PIK3C3: variants seen among roughly 807,000 people sequenced by gnomAD.
PIK3C3 encodes PI3-kinase type 3.
Under a neutral mutation model 126.1 loss-of-function variants are expected in PIK3C3, and 95 were observed. That is an observed-to-expected ratio of 0.75 (90% confidence interval 0.64 to 0.89). The LOEUF (loss-of-function observed/expected upper bound fraction) is 0.89, where lower values mean the gene tolerates loss of function less well. Ranked by LOEUF, PIK3C3 falls within the 40% of genes least tolerant of loss-of-function variation. The pLI is 0.00. For synonymous variants in PIK3C3, 374 were observed against 360.0 expected (o/e 1.04, Z -0.44); for missense variants, 829 against 1,063.2 (o/e 0.78, Z 3.06).
At chr18:42,011,944 A>G (rs1982844477) in intron 10 of PIK3C3, among the ~76,000 whole-genome samples, 1 of 152,230 alleles carries the variant, frequency 6.6e-6, no homozygotes, top group Non-Finnish European at 1.5e-5. Flanking sequence ...CACATTCAAC[A>G]TTAATTGATT....
chr18:42,061,874 A>G (rs1223130348), intron 22 of PIK3C3, among the ~76,000 whole-genome samples: 1 of 152,156 alleles, frequency 6.6e-6, no homozygotes, highest in Non-Finnish European at 1.5e-5. Context: ...TACTTTTGTT[A>G]AAAGGAACAT....
chr18:42,002,291 G>A (rs932244745), intron 9 of PIK3C3, among the ~76,000 whole-genome samples: 5 of 152,168 alleles, frequency 3.3e-5, no homozygotes, highest in Non-Finnish European at 5.9e-5. Context: ...AGCATGGAAG[G>A]GCAATGAGAG....
At chr18:42,022,128 C>T (rs1983351952) in intron 13 of PIK3C3, among the ~76,000 whole-genome samples, 1 of 152,136 alleles carries the variant, frequency 6.6e-6, no homozygotes, top group Admixed American at 6.6e-5. Flanking sequence ...TAAATTGGAG[C>T]ACTCTTTTTC....
intron 24 of PIK3C3, among the ~76,000 whole-genome samples, chr18:42,071,324 A>G (rs1241748056): frequency 6.6e-6 from 1 of 152,220 alleles, no homozygotes; most frequent in Non-Finnish European, 1.5e-5. Context: ...AATGTATTTC[A>G]TACAATGCTT....
chr18:41,968,964 C>T (rs1349534880), intron 3 of PIK3C3, among the ~76,000 whole-genome samples: 2 of 151,742 alleles, frequency 1.3e-5, no homozygotes, highest in Non-Finnish European at 2.9e-5. Context: ...GCATATGCCA[C>T]TGTACCCACC....
intron 21 of PIK3C3, among the ~76,000 whole-genome samples, chr18:42,055,583 G>T (rs1328852211): frequency 6.6e-6 from 1 of 152,074 alleles, no homozygotes; most frequent in African/African-American, 2.4e-5. Context: ...TAAATGCCAG[G>T]TTATATATAA....
intron 4 of PIK3C3, among the ~76,000 whole-genome samples, chr18:41,980,881 T>A (rs1014223004): frequency 2.0e-5 from 3 of 152,174 alleles, no homozygotes; most frequent in African/African-American, 7.2e-5. Flanking sequence ...AAATATAGGA[T>A]CCTAGATATA....
intron 12 of PIK3C3, among the ~76,000 whole-genome samples, chr18:42,018,570 GATAAA>G (rs1470638112): frequency 6.6e-6 from 1 of 152,016 alleles, no homozygotes; most frequent in African/African-American, 2.4e-5. Context: ...TAAAACTGGA[GATAAA>G]ATTCTTACTG....
intron 4 of PIK3C3, among the ~76,000 whole-genome samples, chr18:41,984,571 G>A (rs1027796582): frequency 1.3e-5 from 2 of 152,130 alleles, no homozygotes; most frequent in African/African-American, 4.8e-5. Flanking sequence ...TAGTGAGTTC[G>A]TTGGAGAGGT....
chr18:42,038,608 T>G (rs531257379), intron 17 of PIK3C3, among the ~76,000 whole-genome samples, 173 bp from the exon 18 acceptor site: 23 of 152,244 alleles, frequency 1.5e-4, no homozygotes, highest in African/African-American at 5.3e-4. Flanking sequence ...CCTCCCAAAG[T>G]GCTGGGATTA....
intron 12 of PIK3C3, among the ~76,000 whole-genome samples, chr18:42,019,854 C>T (rs1199337970): frequency 1.3e-5 from 2 of 152,078 alleles, no homozygotes; most frequent in African/African-American, 2.4e-5. Flanking sequence ...CTGAAATCTC[C>T]GTTTGTGCCA....
intron 4 of PIK3C3, among the ~76,000 whole-genome samples, chr18:41,976,927 CT>C (rs1481696242): frequency 6.6e-6 from 1 of 152,166 alleles, no homozygotes; most frequent in African/African-American, 2.4e-5. Context: ...TCTTTAAATT[CT>C]TTATGGAAAT....
At position 42,015,540 on chromosome 18, in the gene PIK3C3, G is replaced by T; in HGVS notation, c.1390G>T (p.Glu464Ter). 1 of 1,613,620 alleles carries T rather than the reference G, an allele frequency of 6.2e-7. No homozygotes were observed. Among genetic ancestry groups the T allele is most frequent in the Non-Finnish European group, 8.5e-7 (1 of 1,179,776 alleles). ...SSPPPASKTK[E>*]VPDGENLEQD... ...ACCTCCTCCTGCATCAAAAACAAAA[G>T]AAGTTCCAGATGGCGAAAATCTGGA... is the stretch of plus-strand genomic sequence containing the variant. The change falls in exon 12 of 25, where the codon GAA becomes TAA. Residue 464 changes from glutamate (E) to a stop codon, truncating the protein, a stop_gained. Transcript: ENST00000262039. LOFTEE classifies it high-confidence loss of function.
chr18:42,052,838 C>G (rs1425480596), intron 21 of PIK3C3: 1 of 152,144 alleles, frequency 6.6e-6, no homozygotes, highest in Non-Finnish European at 1.5e-5. Flanking sequence ...ATTATGCCTT[C>G]AAATTGAAAA....
chr18:42,041,808 A>G (rs575886747), intron 19 of PIK3C3, among the ~76,000 whole-genome samples: 6 of 152,278 alleles, frequency 3.9e-5, no homozygotes, highest in African/African-American at 1.4e-4. Flanking sequence ...GATTTGGGGT[A>G]CAGTCATGTG....
rs35346980 is a variant in PIK3C3 at position 42,085,935 on chromosome 18, T to TTGTGTGTGTGTGTG, written c.*4804_*4817dup. The TTGTGTGTGTGTGTG allele has an allele frequency of 3.3e-4, 37 of 111,488 alleles. No individual in the cohort carries two copies. Among genetic ancestry groups the TTGTGTGTGTGTGTG allele is most frequent in the African/African-American group, 1.6e-3 (34 of 21,136 alleles). 6.9% of individuals were successfully genotyped at this position (111,488 alleles called of 1,614,324 possible). On this transcript the variant is annotated 3_prime_UTR_variant, in exon 25 of 25. Transcript: ENST00000262039. ...ACTCCATCTCTTCAAAAATATATAT[T>TTGTGTGTGTGTGTG]TGTGTGTGTGTGTGTGTGTATGTGC...
chr18:42,070,122 G>T (rs1047190633), intron 24 of PIK3C3, among the ~76,000 whole-genome samples: 2 of 152,132 alleles, frequency 1.3e-5, no homozygotes, highest in African/African-American at 2.4e-5. Context: ...CATCATTTCA[G>T]ACTCCTGCCC....
intron 10 of PIK3C3, among the ~76,000 whole-genome samples, chr18:42,006,503 C>T (rs1982551934): frequency 6.6e-6 from 1 of 152,188 alleles, no homozygotes; most frequent in South Asian, 2.1e-4. Flanking sequence ...ACCCTCTAAT[C>T]ACATGGCTGG....
At chr18:41,980,275 A>G (rs1355512440) in intron 4 of PIK3C3, among the ~76,000 whole-genome samples, 2 of 152,222 alleles carry the variant, frequency 1.3e-5, no homozygotes, top group Admixed American at 6.5e-5. Context: ...GGTATATCAC[A>G]TAAAGAAAGT....
Sources: gnomAD v4.1 joint callset for allele counts (sites outside exome capture counted in the v4.1 genomes callset) on GRCh38, gnomAD v4.1.1 for gene constraint, MANE v1.5 for transcripts, NCBI Gene and HGNC (gene_info 2026-07-23, HGNC 2026-07-21) for gene names.